Variants in GPAT4 observed in about 807,000 individuals in gnomAD.
GPAT4 encodes the protein glycerol-3-phosphate acyltransferase 4.
Under a neutral mutation model 58.0 loss-of-function variants are expected in GPAT4, and 17 were observed. The observed-to-expected ratio is 0.29, with a 90% CI of 0.20 to 0.44. The LOEUF (loss-of-function observed/expected upper bound fraction) is 0.44. Ranked by LOEUF, GPAT4 falls within the 20% of genes least tolerant of loss-of-function variation. GPAT4 has a pLI of 1.00. For missense variants in GPAT4, 377 were observed against 574.5 expected, an observed-to-expected ratio of 0.66 and a Z score of 3.51; for synonymous variants, 204 against 210.1, an observed-to-expected ratio of 0.97 and a Z score of 0.25.
Position 41,621,006 on chromosome 8 carries a change from G to T in GPAT4, c.*5G>T. The stretch of plus-strand genomic sequence containing the variant: ...AAGGACAGGAGCCGCTCCTGAGCCT[G>T]CCTCCAGCTGGCTGGGGCCACCGTG... On this transcript the variant is annotated 3_prime_UTR_variant, in exon 13 of 13. Coordinates refer to ENST00000396987, the MANE Select transcript of GPAT4 (RefSeq NM_178819.4). The T allele has an allele frequency of 6.4e-7, 1 of 1,550,786 alleles. No homozygotes were observed. The highest frequency in any genetic ancestry group is 8.7e-7 in the Non-Finnish European group (1 of 1,147,008).
At chr8:41,610,553 G>A in intron 4 of GPAT4, 183 bp from the exon 5 acceptor site, 1 of 1,492,634 alleles carries the variant, frequency 6.7e-7, no homozygotes, top group Non-Finnish European at 8.9e-7. Flanking sequence ...CTGTCAGCTG[G>A]AATCAAAAGG....
intron 1 of GPAT4, among the ~76,000 whole-genome samples, chr8:41,582,297 C>T (rs1039445728): frequency 5.9e-5 from 9 of 152,060 alleles, no homozygotes; most frequent in African/African-American, 2.2e-4. Flanking sequence ...AGACACTGCA[C>T]GTGGCCGAAG....
chr8:41,597,118 G>A (rs985971085), intron 1 of GPAT4, among the ~76,000 whole-genome samples: 1 of 152,214 alleles, frequency 6.6e-6, no homozygotes, highest in Admixed American at 6.5e-5. Context: ...ATGGCACGAT[G>A]CTGGGCTATC....
At chr8:41,583,388 T>C (rs193137617) in intron 1 of GPAT4, among the ~76,000 whole-genome samples, 69 of 152,250 alleles carry the variant, frequency 4.5e-4, no homozygotes, top group Non-Finnish European at 8.2e-4. Flanking sequence ...TATTATATTC[T>C]ACTGTCTATG....
intron 1 of GPAT4, among the ~76,000 whole-genome samples, chr8:41,582,674 A>AGTGTGTGTGTGTGT (rs34365074): frequency 2.1e-5 from 3 of 142,488 alleles, no homozygotes; most frequent in Non-Finnish European, 1.6e-5. Context: ...AGAGAGAGAG[A>AGTGTGTGTGTGTGT]GTGTGTGTGT....
intron 2 of GPAT4, among the ~76,000 whole-genome samples, chr8:41,607,958 TTTTC>T (rs1803328809): frequency 1.3e-5 from 2 of 152,200 alleles, no homozygotes; most frequent in African/African-American, 2.4e-5. Flanking sequence ...CTCTTGCCCC[TTTTC>T]ACCTCTTCTC....
chr8:41,604,768 G>A (rs1803212955), intron 2 of GPAT4, among the ~76,000 whole-genome samples: 1 of 152,222 alleles, frequency 6.6e-6, no homozygotes, highest in Non-Finnish European at 1.5e-5. Context: ...GGCAGTTGTG[G>A]AGAAGCTGAA....
chr8:41,584,644 T>A (rs1263028163), intron 1 of GPAT4: 1 of 152,212 alleles, frequency 6.6e-6, no homozygotes, highest in East Asian at 1.9e-4. Flanking sequence ...GTATTGAAAT[T>A]GAGCCATCAG....
intron 1 of GPAT4, among the ~76,000 whole-genome samples, chr8:41,587,061 C>T (rs2150482250): frequency 6.6e-6 from 1 of 152,372 alleles, no homozygotes; most frequent in South Asian, 2.1e-4. Context: ...CCCCTGCCAT[C>T]TGTGCATGGA....
In GPAT4 at chr8:41,621,061, TGCC is replaced by T; in HGVS notation, c.*70_*72del. 3 of 1,544,686 alleles carry T rather than the reference TGCC, an allele frequency of 1.9e-6. No homozygotes were observed. The highest frequency in any genetic ancestry group is 1.4e-5 in the African/African-American group (1 of 73,048). On this transcript the variant is annotated 3_prime_UTR_variant, in exon 13 of 13. Coordinates refer to ENST00000396987, the MANE Select transcript of GPAT4 (RefSeq NM_178819.4). ...GTGCCAACGGGCTCAGAGCTGGAGT[TGCC>T]GCCGCCGCCCCCACTGCTGTGTCCT...
chr8:41,595,932 G>T (rs927067866), intron 1 of GPAT4, among the ~76,000 whole-genome samples: 2 of 152,134 alleles, frequency 1.3e-5, no homozygotes, highest in East Asian at 1.9e-4. Flanking sequence ...GGGGTGGGGG[G>T]GTGTGATCTA....
At position 41,582,692 on chromosome 8, in the gene GPAT4, T is replaced by TGG. The variant is rs1554500400; in HGVS notation, c.-849+4415_-849+4416insGG. ...GAGAGAGAGTGTGTGTGTGTGTGTGTGTGGGTGTATCTCAAAACATCACAT... is the reference window on the plus strand; with the variant it reads ...GAGAGAGAGTGTGTGTGTGTGTGTGTGGGTGGGTGTATCTCAAAACATCACAT... On this transcript the variant is annotated intron_variant, in intron 1 of 12. Coordinates refer to ENST00000396987, the MANE Select transcript of GPAT4 (RefSeq NM_178819.4). Among the ~76,000 whole-genome samples the TGG allele has an allele frequency of 1.3e-3, 192 of 151,910 alleles. 1 individual carries two copies. The highest frequency in any genetic ancestry group is 6.8e-3 in the Middle Eastern group (2 of 294).
Position 41,578,930 on chromosome 8 carries a change from G to C in GPAT4, c.-849+652G>C, listed in dbSNP as rs79129884. ...TTATAGGAGACATACGGTGTAGCACGATGGAAATAAGTTCCATCCTCTGCC... is the reference window on the plus strand; with the variant it reads ...TTATAGGAGACATACGGTGTAGCACCATGGAAATAAGTTCCATCCTCTGCC... On this transcript the variant is annotated intron_variant, in intron 1 of 12. Coordinates refer to ENST00000396987, the MANE Select transcript of GPAT4 (RefSeq NM_178819.4). Among the ~76,000 whole-genome samples the C allele has an allele frequency of 2.0e-3, 311 of 152,282 alleles. 3 individuals are homozygous for C. Among genetic ancestry groups the C allele is most frequent in the African/African-American group, 7.3e-3 (305 of 41,566 alleles).
At chr8:41,620,729 C>T (rs759694828) in intron 12 of GPAT4, among the ~76,000 whole-genome samples, 164 bp from the exon 13 acceptor site, 11 of 151,996 alleles carry the variant, frequency 7.2e-5, no homozygotes, top group Admixed American at 4.6e-4. Context: ...TATTGGGATC[C>T]CGGAGCCCCA....
intron 1 of GPAT4, among the ~76,000 whole-genome samples, chr8:41,588,527 T>C (rs1202417026): frequency 1.3e-5 from 2 of 152,212 alleles, no homozygotes; most frequent in African/African-American, 4.8e-5. Context: ...TCTTTTCTTT[T>C]CCTTTTCCTT....
At chr8:41,607,276 C>T (rs985284981) in intron 2 of GPAT4, among the ~76,000 whole-genome samples, 2 of 152,106 alleles carry the variant, frequency 1.3e-5, no homozygotes, top group South Asian at 2.1e-4. Flanking sequence ...TAAACACAGA[C>T]GTGTTTTGTC....
Position 41,609,409 on chromosome 8 carries a change from C to T in GPAT4, c.166-7C>T, listed in dbSNP as rs1803374478. ...TGCTCTTGTATCTTGCTTCCTTCCC[C>T]TCCCAGTGGGCTACCTTGAGAATGG... On this transcript the variant is annotated splice_polypyrimidine_tract_variant and splice_region_variant and intron_variant, in intron 2 of 12. Transcript: ENST00000396987. The T allele has an allele frequency of 6.2e-7, 1 of 1,613,920 alleles. No homozygotes were observed. The highest frequency in any genetic ancestry group is 1.3e-5 in the African/African-American group (1 of 74,912).
chr8:41,583,605 A>T (rs1218081017), intron 1 of GPAT4, among the ~76,000 whole-genome samples: 1 of 152,212 alleles, frequency 6.6e-6, no homozygotes, highest in Admixed American at 6.5e-5. Flanking sequence ...ATGCTAAGTC[A>T]TTGAACTCCA....
At chr8:41,583,083 G>A (rs948606685) in intron 1 of GPAT4, among the ~76,000 whole-genome samples, 3 of 152,046 alleles carry the variant, frequency 2.0e-5, no homozygotes, top group Admixed American at 6.5e-5. Context: ...AAAACTAGCC[G>A]GCTGTGGTGG....
Sources: allele counts gnomAD v4.1 joint callset (sites outside exome capture counted in the v4.1 genomes callset), GRCh38; gene constraint gnomAD v4.1.1; transcripts MANE v1.5; gene names NCBI Gene and HGNC (gene_info 2026-07-23, HGNC 2026-07-21).